APBB1IP: variants seen among roughly 807,000 people sequenced by gnomAD.
APBB1IP encodes the protein amyloid beta precursor protein binding family B member 1 interacting protein, also known as amyloid beta A4 precursor protein-binding family B member 1-interacting protein.
Under a neutral mutation model 64.9 loss-of-function variants are expected in APBB1IP, and 27 were observed. That is an observed-to-expected ratio of 0.42 (90% CI 0.31 to 0.57). APBB1IP has a LOEUF of 0.57. APBB1IP is among the 20% of genes least tolerant of loss of function. APBB1IP has a pLI of 0.20. For synonymous variants in APBB1IP, 392 were observed against 331.0 expected (o/e 1.18, Z -2.00); for missense variants, 812 against 845.5 (o/e 0.96, Z 0.49).
chr10:26,476,425 T>C, intron 2 of APBB1IP, among the ~76,000 whole-genome samples: 1 of 110,198 alleles, frequency 9.1e-6, no homozygotes, highest in Non-Finnish European at 1.7e-5. Flanking sequence ...CCAGTCTGTG[T>C]GACAGAGCAA....
chr10:26,458,753 A>G (rs1023538976), intron 2 of APBB1IP, among the ~76,000 whole-genome samples: 1 of 152,030 alleles, frequency 6.6e-6, no homozygotes, highest in African/African-American at 2.4e-5. Context: ...TAAAGCACCA[A>G]ATTCTTTGAT....
intron 8 of APBB1IP, among the ~76,000 whole-genome samples, chr10:26,527,532 T>G (rs1267481695): frequency 7.0e-6 from 1 of 143,188 alleles, no homozygotes; most frequent in African/African-American, 2.6e-5. Flanking sequence ...AACAGAGCAA[T>G]ACCTTGTCTC....
intron 6 of APBB1IP, among the ~76,000 whole-genome samples, chr10:26,504,259 T>A (rs1475664291): frequency 6.6e-6 from 1 of 152,202 alleles, no homozygotes; most frequent in Admixed American, 6.5e-5. Context: ...AGGTTTTGAG[T>A]AATCTGCCCT....
intron 11 of APBB1IP, among the ~76,000 whole-genome samples, chr10:26,547,589 G>A (rs927511650): frequency 3.3e-5 from 5 of 151,976 alleles, no homozygotes; most frequent in African/African-American, 9.7e-5. Context: ...TTACAGGAAC[G>A]CGCCACCACT....
At chr10:26,445,501 C>T (rs1241147797) in intron 2 of APBB1IP, among the ~76,000 whole-genome samples, 1 of 152,132 alleles carries the variant, frequency 6.6e-6, no homozygotes, top group Admixed American at 6.5e-5. Flanking sequence ...CCTCCCGCTT[C>T]GGCCTCCTAA....
chr10:26,535,629 A>G (rs1193786293), intron 9 of APBB1IP, among the ~76,000 whole-genome samples: 1 of 152,160 alleles, frequency 6.6e-6, no homozygotes, highest in African/African-American at 2.4e-5. Flanking sequence ...TAATTGTTCT[A>G]TTTACCAGCA....
chr10:26,537,030 C>A (rs1836633628), intron 10 of APBB1IP, among the ~76,000 whole-genome samples: 1 of 152,056 alleles, frequency 6.6e-6, no homozygotes, highest in South Asian at 2.1e-4. Context: ...CAACATTTAA[C>A]TTTTACTTGG....
intron 8 of APBB1IP, among the ~76,000 whole-genome samples, chr10:26,518,607 C>G (rs926118085): frequency 6.6e-6 from 1 of 152,170 alleles, no homozygotes; most frequent in African/African-American, 2.4e-5. Flanking sequence ...TAAATTTTAT[C>G]CATTCTAGGG....
intron 2 of APBB1IP, among the ~76,000 whole-genome samples, chr10:26,461,439 T>C (rs939526640): frequency 2.0e-4 from 30 of 152,182 alleles, no homozygotes; most frequent in African/African-American, 7.0e-4. Flanking sequence ...TTCTGAAATC[T>C]TTGTCTTTTT....
At chr10:26,488,241 A>ATT (rs57427674) in intron 2 of APBB1IP, among the ~76,000 whole-genome samples, 30 of 146,510 alleles carry the variant, frequency 2.0e-4, no homozygotes, top group African/African-American at 2.7e-4. Context: ...TTTTGTAGGA[A>ATT]TTTTTTTTTT....
chr10:26,494,614 C>A (rs1445184668), intron 3 of APBB1IP, among the ~76,000 whole-genome samples: 2 of 152,142 alleles, frequency 1.3e-5, no homozygotes, highest in Admixed American at 1.3e-4. Flanking sequence ...GATCACAGGT[C>A]AGGAGTTCGA....
chr10:26,475,046 C>T (rs1436107252), intron 2 of APBB1IP, among the ~76,000 whole-genome samples: 1 of 152,144 alleles, frequency 6.6e-6, no homozygotes, highest in East Asian at 1.9e-4. Context: ...GAGATGAGAA[C>T]GTGGCTCTAT....
intron 8 of APBB1IP, among the ~76,000 whole-genome samples, chr10:26,514,962 C>T (rs1052601908): frequency 1.3e-5 from 2 of 151,984 alleles, no homozygotes; most frequent in African/African-American, 4.8e-5. Context: ...ACCTCTGCCT[C>T]CCGGGTTCAG....
intron 11 of APBB1IP, among the ~76,000 whole-genome samples, chr10:26,551,947 ATG>A (rs1836836435): frequency 1.3e-5 from 2 of 151,922 alleles, no homozygotes; most frequent in Non-Finnish European, 2.9e-5. Context: ...GGATGGATGG[ATG>A]GATGGATGGA....
At chr10:26,506,254 G>A (rs866011648) in intron 6 of APBB1IP, among the ~76,000 whole-genome samples, 5 of 142,880 alleles carry the variant, frequency 3.5e-5, no homozygotes, top group East Asian at 2.2e-4. Flanking sequence ...TGTGTGTGGG[G>A]GGGGGGGGTG....
chr10:26,549,105 C>A (rs2132475298), intron 11 of APBB1IP, among the ~76,000 whole-genome samples: 1 of 152,246 alleles, frequency 6.6e-6, no homozygotes, highest in South Asian at 2.1e-4. Flanking sequence ...AATCTTTATT[C>A]TGTTAATGTG....
At chr10:26,494,537 C>A (rs933701475) in intron 3 of APBB1IP, among the ~76,000 whole-genome samples, 2 of 152,214 alleles carry the variant, frequency 1.3e-5, no homozygotes, top group Admixed American at 1.3e-4. Flanking sequence ...AAAAAATAAA[C>A]CAATTCTAGA....
chr10:26,532,987 C>T (rs1588607948), intron 8 of APBB1IP, among the ~76,000 whole-genome samples: 2 of 152,186 alleles, frequency 1.3e-5, no homozygotes, highest in East Asian at 3.8e-4. Context: ...TCTTGATAAG[C>T]CAGAATCCCG....
chr10:26,466,355 C>A (rs992025122), intron 2 of APBB1IP, among the ~76,000 whole-genome samples: 1 of 152,178 alleles, frequency 6.6e-6, no homozygotes, highest in Non-Finnish European at 1.5e-5. Flanking sequence ...GGCGATGGGA[C>A]ACAGACCCCA....
Sources: gnomAD v4.1 joint callset for allele counts (sites outside exome capture counted in the v4.1 genomes callset) on GRCh38, gnomAD v4.1.1 for gene constraint, MANE v1.5 for transcripts, NCBI Gene and HGNC (gene_info 2026-07-23, HGNC 2026-07-21) for gene names.